STAG2: variants seen among roughly 807,000 people sequenced by gnomAD.
STAG2 encodes the protein cohesin subunit SA-2.
In STAG2, 14 loss-of-function variants were observed where a neutral mutation model predicts 108.1. The ratio of observed to expected loss-of-function variants is 0.13; its 90% CI spans 0.09 to 0.20. STAG2 has a LOEUF of 0.20. STAG2 is among the 10% of genes least tolerant of loss of function. The pLI, the probability that STAG2 is intolerant of heterozygous loss-of-function variation, is 1.00. For missense variants in STAG2, 440 were observed against 940.9 expected, an observed-to-expected ratio of 0.47 and a Z score of 6.96; for synonymous variants, 307 against 302.7, an observed-to-expected ratio of 1.01 and a Z score of -0.15.
Position 123,969,693 on chromosome X carries a change from G to A in STAG2, c.-163+7837G>A, listed in dbSNP as rs190122002. Among the ~76,000 whole-genome samples, 73 of 109,354 alleles carry A rather than the reference G, an allele frequency of 6.7e-4. 1 individual carries two copies. The East Asian group carries it at 0.019, about 28-fold the overall frequency. 95.0% of individuals were successfully genotyped at this position (109,354 alleles called of 115,157 possible). On this transcript the variant is annotated intron_variant, in intron 1 of 34. Coordinates refer to ENST00000371145, the MANE Select transcript of STAG2 (RefSeq NM_001042750.2). ...ATGGAGTTTCGCGCTTGTTGCCCAG[G>A]CTGTGGTGCAGTGGCATGATTGGCT...
intron 29 of STAG2, among the ~76,000 whole-genome samples, chrX:124,084,576 G>A (rs900975464): frequency 8.1e-5 from 9 of 111,030 alleles, no homozygotes; most frequent in Non-Finnish European, 1.5e-4. Flanking sequence ...CCTTGGCCTC[G>A]CAAAGTGCTG....
At chrX:123,992,585 C>G (rs946287861) in intron 1 of STAG2, among the ~76,000 whole-genome samples, 1 of 110,408 alleles carries the variant, frequency 9.1e-6, no homozygotes, top group Non-Finnish European at 1.9e-5. Flanking sequence ...GTCTCCCAGG[C>G]TGGAGTGCAG....
rs201223585 is a variant in STAG2, at chrX:124,000,582, AAG to A, written c.-162-20782_-162-20781del. On this transcript the variant is annotated intron_variant, in intron 1 of 34. Coordinates refer to ENST00000371145, the MANE Select transcript of STAG2 (RefSeq NM_001042750.2). ...TCTCAGCTACTTGAGAGGCTGAGGC[AAG>A]AGGATCGCTTGAGCCAGGGAGTTCA... Among the ~76,000 whole-genome samples, 669 of 111,495 alleles carry A rather than the reference AAG, an allele frequency of 6.0e-3. 5 individuals are homozygous for A. The highest frequency in any genetic ancestry group is 0.02 in the African/African-American group (619 of 30,668).
intron 1 of STAG2, among the ~76,000 whole-genome samples, chrX:123,968,327 C>T (rs1376562631): frequency 8.9e-6 from 1 of 111,922 alleles, no homozygotes. Flanking sequence ...GTAAGCTCTG[C>T]CTAACTTAAG....
chrX:124,094,264 A>G, intron 33 of STAG2, 120 bp downstream of exon 33: 1 of 706,357 alleles, frequency 1.4e-6, no homozygotes, highest in Admixed American at 3.3e-5. Context: ...AAATATTAAA[A>G]TAGTTGCCAG....
chrX:123,963,207 G>C (rs992123531), intron 1 of STAG2: 1 of 111,684 alleles, frequency 9.0e-6, no homozygotes, highest in Non-Finnish European at 1.9e-5. Flanking sequence ...GGAGCTGCTG[G>C]TGTTTGTTAC....
chrX:124,027,881 C>T (rs958699978), intron 4 of STAG2, among the ~76,000 whole-genome samples: 4 of 110,757 alleles, frequency 3.6e-5, no homozygotes, highest in African/African-American at 6.6e-5. Context: ...CACAGGTTAG[C>T]GTATTTGCTT....
chrX:123,961,924 G>A (rs1049609782), intron 1 of STAG2, 68 bp downstream of exon 1: 1 of 112,799 alleles, frequency 8.9e-6, no homozygotes, highest in Non-Finnish European at 1.9e-5. Flanking sequence ...CCCGCGCGCA[G>A]ACCTTGCCCC....
intron 27 of STAG2, among the ~76,000 whole-genome samples, chrX:124,078,409 A>G (rs996323622): frequency 8.9e-6 from 1 of 112,043 alleles, no homozygotes; most frequent in Non-Finnish European, 1.9e-5. Flanking sequence ...GTATATTGCA[A>G]TGTTGTTTAT....
chrX:124,008,882 A>T (rs1270274938), intron 1 of STAG2, among the ~76,000 whole-genome samples: 1 of 111,595 alleles, frequency 9.0e-6, no homozygotes, highest in Non-Finnish European at 1.9e-5. Flanking sequence ...GAGGATAATT[A>T]TAACACATTT....
chrX:124,088,148 T>C (rs182183831), intron 30 of STAG2, among the ~76,000 whole-genome samples: 5 of 111,788 alleles, frequency 4.5e-5, no homozygotes, highest in Admixed American at 1.9e-4. Flanking sequence ...TTAATAGTTA[T>C]AGGTGTGTGC....
chrX:124,009,435 G>GATAGATAGATAGATAGA (rs1569501942), intron 1 of STAG2, among the ~76,000 whole-genome samples: 7 of 71,198 alleles, frequency 9.8e-5, no homozygotes, highest in East Asian at 8.7e-4. Flanking sequence ...AGGTAGGTAG[G>GATAGATAGATAGATAGA]TAGGTAGGTA....
In STAG2 at chrX:124,086,532, C is replaced by T. The variant is rs779165462; in HGVS notation, c.3054-15C>T. 1.3e-5 allele frequency: 15 copies of T among 1,170,451 alleles called. No homozygotes were observed. The East Asian group carries it at 3.9e-4, about 30-fold the overall frequency. On this transcript the variant is annotated splice_polypyrimidine_tract_variant and intron_variant, in intron 29 of 34. Transcript: ENST00000371145. The stretch of plus-strand genomic sequence containing the variant: ...ATTTCTGTATCAAAGCTAACAGTTT[C>T]GATTTCTTTTCAAGGTATGTTTACT...
intron 1 of STAG2, among the ~76,000 whole-genome samples, chrX:124,000,129 G>T (rs747061166): frequency 1.0e-3 from 113 of 110,022 alleles, no homozygotes; most frequent in Non-Finnish European, 1.8e-3. Context: ...CGTACAGCAT[G>T]ATCGTCCTAT....
intron 1 of STAG2, among the ~76,000 whole-genome samples, chrX:124,005,685 C>T (rs1049221256): frequency 1.8e-5 from 2 of 111,743 alleles, no homozygotes; most frequent in African/African-American, 6.5e-5. Flanking sequence ...ATGTAGTCTG[C>T]GGTACAGATG....
chrX:124,085,301 A>G (rs913264742), intron 29 of STAG2, among the ~76,000 whole-genome samples: 5 of 111,425 alleles, frequency 4.5e-5, no homozygotes, highest in African/African-American at 1.6e-4. Flanking sequence ...AGTGCGGGCT[A>G]CTTATCTGTA....
intron 24 of STAG2, among the ~76,000 whole-genome samples, chrX:124,070,490 C>A (rs1163927557): frequency 2.7e-5 from 3 of 111,675 alleles, no homozygotes; most frequent in Non-Finnish European, 5.7e-5. Context: ...TAGTCTGTGA[C>A]TCCATTTAAA....
At chrX:124,056,536 A>G (rs2058201209) in intron 14 of STAG2, among the ~76,000 whole-genome samples, 2 of 108,486 alleles carry the variant, frequency 1.8e-5, no homozygotes, top group African/African-American at 6.7e-5. Context: ...GATCGAGACC[A>G]TCCTGGCTAA....
At chrX:124,047,572 A>T (rs1035998084) in intron 9 of STAG2, 67 bp downstream of exon 9, 6 of 910,406 alleles carry the variant, frequency 6.6e-6, no homozygotes, top group Non-Finnish European at 9.3e-6. Flanking sequence ...TTAGGATATA[A>T]CTTTGCTAGT....
Sources: allele counts gnomAD v4.1 joint callset (sites outside exome capture counted in the v4.1 genomes callset), GRCh38; gene constraint gnomAD v4.1.1; transcripts MANE v1.5; gene names NCBI Gene and HGNC (gene_info 2026-07-23, HGNC 2026-07-21).